Variants in DAZAP1 observed in about 807,000 individuals in gnomAD.
DAZAP1 encodes DAZ associated protein 1.
DAZAP1 carries 6 observed loss-of-function variants against 60.1 expected under a neutral mutation model. The observed-to-expected ratio is 0.10, with a 90% confidence interval of 0.05 to 0.20. The LOEUF (loss-of-function observed/expected upper bound fraction) is 0.20, where lower values mean the gene tolerates loss of function less well. Ranked by LOEUF, DAZAP1 falls within the 10% of genes least tolerant of loss-of-function variation. The pLI is 1.00. For synonymous variants in DAZAP1, 235 were observed against 215.9 expected, an observed-to-expected ratio of 1.09 and a Z score of -0.78; for missense variants, 366 against 560.4, an observed-to-expected ratio of 0.65 and a Z score of 3.50.
intron 7 of DAZAP1, chr19:1,427,055 G>C (rs1422864059): frequency 2.6e-5 from 4 of 152,162 alleles, no homozygotes; most frequent in African/African-American, 7.2e-5. Flanking sequence ...GCTTAGATTG[G>C]GTTGCAGACT....
chr19:1,415,692 C>G (rs951715806), intron 1 of DAZAP1: 2 of 152,168 alleles, frequency 1.3e-5, no homozygotes, highest in African/African-American at 4.8e-5. Context: ...GGCCTGATTG[C>G]GAAGGGTGCG....
Position 1,425,678 on chromosome 19 carries a change from C to T in DAZAP1, c.464-200C>T, listed in dbSNP as rs1446544143. On this transcript the variant is annotated intron_variant, in intron 6 of 11. Transcript: ENST00000233078. This position sits in a 1 kb window ranked among gnomAD's most constrained non-coding sequence, Gnocchi z 5.4. Reference sequence around the variant, plus strand: ...GCAGAGCCGTCACCGGGAGTGCGGACGTCACCGTCTGTCCACTCCGTGTGC... The same window carrying T: ...GCAGAGCCGTCACCGGGAGTGCGGATGTCACCGTCTGTCCACTCCGTGTGC... Among the ~76,000 whole-genome samples, 1 of 152,212 alleles carries T rather than the reference C, an allele frequency of 6.6e-6. No individual in the cohort carries two copies. The highest frequency in any genetic ancestry group is 1.5e-5 in the Non-Finnish European group (1 of 68,028).
Position 1,430,254 on chromosome 19 carries a change from G to GCCCCCCCCCCCCCCCC in DAZAP1, c.770_771insCCCCCCCCCCCCCCCC (p.Phe262ProfsTer170). On this transcript the variant is annotated frameshift_variant, in exon 10 of 12. Coordinates refer to ENST00000233078, the MANE Select transcript of DAZAP1 (RefSeq NM_018959.4). LOFTEE classifies it high-confidence loss of function. ...TGGACCGCCCCCTGCAGGAAGAGGA[G>GCCCCCCCCCCCCCCCC]CCCCCCCGCCACCCCCACCGTTCAC... 2 of 1,295,268 alleles carry GCCCCCCCCCCCCCCCC rather than the reference G, an allele frequency of 1.5e-6. No individual in the cohort carries two copies. Among genetic ancestry groups the GCCCCCCCCCCCCCCCC allele is most frequent in the Non-Finnish European group, 1.1e-6 (1 of 924,076 alleles). The allele number at this position is 1,295,268 out of a possible 1,614,324, so 80.2% of individuals were successfully genotyped here.
rs1446753005 is a variant in DAZAP1 at position 1,423,832 on chromosome 19, C to T, written c.463+1436C>T. 1.3e-5 allele frequency among the ~76,000 whole-genome samples: 2 copies of T among 152,214 alleles called. No homozygotes were observed. The highest frequency in any genetic ancestry group is 4.8e-5 in the African/African-American group (2 of 41,466). ...CCAGAGCTGGCGCCCCTTCTCCTCG[C>T]GTCCTGTCCTGTCCCGTGTGGACGG... On this transcript the variant is annotated intron_variant, in intron 6 of 11. Transcript: ENST00000233078. This position sits in a 1 kb window ranked among gnomAD's most constrained non-coding sequence, Gnocchi z 6.8.
chr19:1,408,279 C>A (rs2082723237), intron 1 of DAZAP1, among the ~76,000 whole-genome samples: 1 of 151,992 alleles, frequency 6.6e-6, no homozygotes, highest in South Asian at 2.1e-4. Flanking sequence ...CCCGTTGCCG[C>A]CTGTAGGGCT....
At chr19:1,424,299 C>A (rs919240823) in intron 6 of DAZAP1, among the ~76,000 whole-genome samples, 2 of 149,510 alleles carry the variant, frequency 1.3e-5, no homozygotes, top group African/African-American at 4.9e-5. Context: ...GCCTTGCCTT[C>A]CTGGTCCCTC....
chr19:1,415,307 G>C (rs2082943821), intron 1 of DAZAP1, among the ~76,000 whole-genome samples: 1 of 145,850 alleles, frequency 6.9e-6, no homozygotes, highest in South Asian at 2.2e-4. Flanking sequence ...ACTACAGGCT[G>C]CTGTTTCTTC....
intron 8 of DAZAP1, among the ~76,000 whole-genome samples, chr19:1,429,505 C>T (rs565080788): frequency 1.1e-3 from 164 of 152,336 alleles, no homozygotes; most frequent in Middle Eastern, 3.4e-3. Flanking sequence ...TTGGCTGCAG[C>T]CCGACCCGAG....
chr19:1,422,819 T>C lies in DAZAP1; in HGVS notation c.463+423T>C, dbSNP rs111743014. Among the ~76,000 whole-genome samples, 1 of 150,964 alleles carries C rather than the reference T, an allele frequency of 6.6e-6. No homozygotes were observed. Among genetic ancestry groups the C allele is most frequent in the Non-Finnish European group, 1.5e-5 (1 of 68,012 alleles). ...TTTCCGTGATCCATCCCATGCTTTT[T>C]TTTTCTTTCTTTCTTTTTTCCTTTT... On this transcript the variant is annotated intron_variant, in intron 6 of 11. Transcript: ENST00000233078. This position sits in a 1 kb window ranked among gnomAD's most constrained non-coding sequence, Gnocchi z 4.5.
intron 1 of DAZAP1, among the ~76,000 whole-genome samples, chr19:1,411,935 T>G (rs951831678): frequency 1.3e-5 from 2 of 152,228 alleles, no homozygotes; most frequent in African/African-American, 4.8e-5. Flanking sequence ...CACCATGTCA[T>G]GATGTCAGAA....
intron 1 of DAZAP1, 97 bp from the exon 2 acceptor site, chr19:1,417,403 T>A: frequency 7.2e-7 from 1 of 1,385,774 alleles, no homozygotes; most frequent in Non-Finnish European, 1.0e-6. Flanking sequence ...CGTCAGCTGC[T>A]TCTGTGGTTT....
chr19:1,412,398 A>C (rs2082856643), intron 1 of DAZAP1, among the ~76,000 whole-genome samples: 1 of 152,210 alleles, frequency 6.6e-6, no homozygotes, highest in Admixed American at 6.5e-5. Flanking sequence ...ATCAGCCGCC[A>C]CTGGGCCTGG....
chr19:1,409,682 AGTT>A (rs3837985), intron 1 of DAZAP1: 16,175 of 152,288 alleles, frequency 0.11, 1,186 homozygotes, highest in East Asian at 0.35. Flanking sequence ...TGCTGTGTGG[AGTT>A]GTTGTGTGCG....
rs1347243206 is a variant in DAZAP1, at chr19:1,415,351, TTATGTGTGTGTGTGTGTGTG to T, written c.30-2147_30-2128del. On this transcript the variant is annotated intron_variant, in intron 1 of 11. Transcript: ENST00000233078. ...TGGATTTGGTTTGGTTTTCAGGGTT[TTATGTGTGTGTGTGTGTGTG>T]TGTGTGTGTGTGTGTGTGTTTTGTT... 4.3e-5 allele frequency among the ~76,000 whole-genome samples: 3 copies of T among 69,942 alleles called. No individual in the cohort carries two copies. The Admixed American group carries it at 4.3e-4, about 10-fold the overall frequency. 45.9% of individuals were successfully genotyped at this position (69,942 alleles called of 152,430 possible). A position where few individuals can be genotyped will look rare whatever the true frequency, so the allele number is the denominator to read the frequency against.
rs1253017489 is a variant in DAZAP1 at position 1,429,953 on chromosome 19, G to A, written c.701-14G>A. 6.4e-7 allele frequency: 1 copy of A among 1,563,700 alleles called. No individual in the cohort carries two copies. Among genetic ancestry groups the A allele is most frequent in the Admixed American group, 1.9e-5 (1 of 52,446 alleles). On this transcript the variant is annotated splice_polypyrimidine_tract_variant and intron_variant, in intron 8 of 11. Coordinates refer to ENST00000233078, the MANE Select transcript of DAZAP1 (RefSeq NM_018959.4). ...GGACACGGCGCCAACCTCCTCTTCTGTTCTCTTATCTAGGAATGTGGGTGC... is the reference window on the plus strand; with the variant it reads ...GGACACGGCGCCAACCTCCTCTTCTATTCTCTTATCTAGGAATGTGGGTGC...
Position 1,434,523 on chromosome 19 carries a change from CT to C in DAZAP1, c.1049-213del. 1 of 533,952 alleles carries C rather than the reference CT, an allele frequency of 1.9e-6. No homozygotes were observed. The highest frequency in any genetic ancestry group is 5.0e-4 in the Middle Eastern group (1 of 2,010). The allele number at this position is 533,952 out of a possible 1,614,324, so 33.1% of individuals were successfully genotyped here. On this transcript the variant is annotated intron_variant, in intron 11 of 11. Coordinates refer to ENST00000233078, the MANE Select transcript of DAZAP1 (RefSeq NM_018959.4). This position sits in a 1 kb window ranked among gnomAD's most constrained non-coding sequence, Gnocchi z 8.0. ...GGAGGGCTCTGGAAGCCGCTTTTCT[CT>C]GTGTGTGCCCCTGCTCACATGTTTT...
At chr19:1,411,241 G>A (rs2082821402) in intron 1 of DAZAP1, among the ~76,000 whole-genome samples, 1 of 152,214 alleles carries the variant, frequency 6.6e-6, no homozygotes, top group African/African-American at 2.4e-5. Context: ...GGTCTCCTGG[G>A]CTCTGTCAGC....
At chr19:1,430,109 G>C (rs1390726566) in intron 9 of DAZAP1, 113 bp downstream of exon 9, 1 of 1,561,070 alleles carries the variant, frequency 6.4e-7, no homozygotes, top group Non-Finnish European at 8.8e-7. Flanking sequence ...GAGTGCTGGA[G>C]AGGAAGAGAG....
At chr19:1,408,084 A>G (rs2159088) in intron 1 of DAZAP1, among the ~76,000 whole-genome samples, 14,036 of 147,944 alleles carry the variant, frequency 0.095, 2,127 homozygotes, top group African/African-American at 0.33. Flanking sequence ...CGCCGCCTCC[A>G]GACTTCCTGG....
Sources: gnomAD v4.1 joint callset for allele counts (sites outside exome capture counted in the v4.1 genomes callset) on GRCh38, gnomAD v4.1.1 for gene constraint, Gnocchi (gnomAD v3.1) non-coding constraint, MANE v1.5 for transcripts, NCBI Gene and HGNC (gene_info 2026-07-23, HGNC 2026-07-21) for gene names.